The following SCAND3 variants were observed in gnomAD, a reference collection of about 807,000 sequenced individuals.
SCAND3 encodes SCAN domain containing 3.
At chr6:28,588,961 G>T in the SCAND3 span, among the ~76,000 whole-genome samples, 1 of 152,320 alleles carries the variant, frequency 6.6e-6, no homozygotes, top group East Asian at 1.9e-4. The surrounding 1 kb of genome is among the most constrained non-coding windows in gnomAD (Gnocchi z 4.1). Flanking sequence ...TATTTTGTAA[G>T]ATTTGCAAAA....
the SCAND3 span, among the ~76,000 whole-genome samples, chr6:28,615,567 C>G: frequency 6.9e-6 from 1 of 144,290 alleles, no homozygotes; most frequent in African/African-American, 2.6e-5. Flanking sequence ...CGCCACTGCA[C>G]TCCAGCCTAG....
At chr6:28,611,961 A>G in the SCAND3 span, among the ~76,000 whole-genome samples, 1 of 152,198 alleles carries the variant, frequency 6.6e-6, no homozygotes, top group African/African-American at 2.4e-5. Context: ...ATGGACAGGT[A>G]TGAGCATCCA....
the SCAND3 span, among the ~76,000 whole-genome samples, chr6:28,588,468 A>G: frequency 6.6e-6 from 1 of 152,332 alleles, no homozygotes; most frequent in Non-Finnish European, 1.5e-5. The surrounding 1 kb of genome is among the most constrained non-coding windows in gnomAD (Gnocchi z 4.1). Context: ...ACAGTGATAG[A>G]CACTTATAAA....
chr6:28,572,499 T>C, the SCAND3 span: 6 of 1,613,490 alleles, frequency 3.7e-6, no homozygotes, highest in Non-Finnish European at 5.1e-6. This position sits in a 1 kb window ranked among gnomAD's most constrained non-coding sequence, Gnocchi z 4.1. Flanking sequence ...CAACTTTATC[T>C]GCCATTGAAA....
At chr6:28,575,220 C>T in the SCAND3 span, 1 of 1,613,970 alleles carries the variant, frequency 6.2e-7, no homozygotes, top group South Asian at 1.1e-5. This position sits in a 1 kb window ranked among gnomAD's most constrained non-coding sequence, Gnocchi z 4.2. Flanking sequence ...AAAATTCAGT[C>T]CAGTGTGATG....
At chr6:28,590,046 C>G in the SCAND3 span, 1 of 152,222 alleles carries the variant, frequency 6.6e-6, no homozygotes, top group Admixed American at 6.5e-5. Flanking sequence ...CCGGAGGGCT[C>G]GGGTCCCTGG....
the SCAND3 span, chr6:28,586,510 G>A: frequency 6.2e-7 from 1 of 1,614,240 alleles, no homozygotes; most frequent in Non-Finnish European, 8.5e-7. The surrounding 1 kb of genome is among the most constrained non-coding windows in gnomAD (Gnocchi z 4.4). Flanking sequence ...AGTTGACTCA[G>A]AGCCTCCCTG....
At chr6:28,575,582 A>G in the SCAND3 span, 1 of 1,614,114 alleles carries the variant, frequency 6.2e-7, no homozygotes, top group Non-Finnish European at 8.5e-7. The surrounding 1 kb of genome is among the most constrained non-coding windows in gnomAD (Gnocchi z 4.2). Flanking sequence ...TCTACTTGGC[A>G]TCTTGAACTA....
chr6:28,586,823 T>C, the SCAND3 span: 1 of 963,514 alleles, frequency 1.0e-6, no homozygotes, highest in African/African-American at 1.6e-5. This position sits in a 1 kb window ranked among gnomAD's most constrained non-coding sequence, Gnocchi z 4.4. Context: ...AAGTTTTTGA[T>C]ATAAGAAAAC....
At chr6:28,584,669 T>C in the SCAND3 span, among the ~76,000 whole-genome samples, 1 of 152,208 alleles carries the variant, frequency 6.6e-6, no homozygotes, top group Non-Finnish European at 1.5e-5. Flanking sequence ...CATATCCCCT[T>C]GAGGGCATCT....
the SCAND3 span, among the ~76,000 whole-genome samples, chr6:28,610,202 G>C: frequency 6.6e-6 from 1 of 152,150 alleles, no homozygotes; most frequent in South Asian, 2.1e-4. Context: ...TTTTTAAACA[G>C]GTAATATGTG....
At chr6:28,613,273 C>A in the SCAND3 span, among the ~76,000 whole-genome samples, 1 of 152,172 alleles carries the variant, frequency 6.6e-6, no homozygotes, top group Non-Finnish European at 1.5e-5. Flanking sequence ...AAGTAGAGAG[C>A]ACACTGTTCA....
At chr6:28,599,213 T>C in the SCAND3 span, among the ~76,000 whole-genome samples, 1 of 152,224 alleles carries the variant, frequency 6.6e-6, no homozygotes, top group Non-Finnish European at 1.5e-5. Context: ...AAAAACTCAA[T>C]ATTGTCAAGA....
chr6:28,578,212 G>A, the SCAND3 span, among the ~76,000 whole-genome samples: 1 of 152,182 alleles, frequency 6.6e-6, no homozygotes, highest in Non-Finnish European at 1.5e-5. Context: ...ATATGTTACT[G>A]TGTGGTTTGG....
chr6:28,601,106 C>T, the SCAND3 span, among the ~76,000 whole-genome samples: 1 of 151,974 alleles, frequency 6.6e-6, no homozygotes, highest in Non-Finnish European at 1.5e-5. Flanking sequence ...GGGGTTTCAC[C>T]GTGTTAGCCA....
the SCAND3 span, among the ~76,000 whole-genome samples, chr6:28,583,088 T>C: frequency 6.6e-6 from 1 of 151,704 alleles, no homozygotes; most frequent in Non-Finnish European, 1.5e-5. Flanking sequence ...TGGAAGGATA[T>C]AATCATCAAA....
chr6:28,571,873 C>T, the SCAND3 span: 8 of 1,596,738 alleles, frequency 5.0e-6, no homozygotes, highest in Non-Finnish European at 6.8e-6. Context: ...TATATGCATA[C>T]TTTGAACCAA....
the SCAND3 span, chr6:28,571,688 C>A: frequency 2.4e-6 from 1 of 424,300 alleles, no homozygotes. Flanking sequence ...TTAATAAATA[C>A]GACAAATATG....
the SCAND3 span, chr6:28,575,630 G>C: frequency 4.1e-4 from 655 of 1,614,078 alleles, 9 homozygotes; most frequent in South Asian, 5.4e-3. The surrounding 1 kb of genome is among the most constrained non-coding windows in gnomAD (Gnocchi z 4.2). Context: ...ACCTTCTTGA[G>C]TTTTGAATTT....
Sources: gnomAD v4.1 joint callset for allele counts (sites outside exome capture counted in the v4.1 genomes callset) on GRCh38, gnomAD v4.1.1 for gene constraint, Gnocchi (gnomAD v3.1) non-coding constraint, MANE v1.5 for transcripts, NCBI Gene and HGNC (gene_info 2026-07-23, HGNC 2026-07-21) for gene names.